SEL1L3: variants seen among roughly 807,000 people sequenced by gnomAD.
SEL1L3 encodes SEL1L family member 3.
Under a neutral mutation model 142.8 loss-of-function variants are expected in SEL1L3, and 76 were observed. The observed-to-expected ratio is 0.53, with a 90% CI of 0.44 to 0.64. The LOEUF (loss-of-function observed/expected upper bound fraction) is 0.64, where lower values mean the gene tolerates loss of function less well. SEL1L3 is among the 30% of genes least tolerant of loss of function. SEL1L3 has a pLI of 0.00. For synonymous variants in SEL1L3, 504 were observed against 519.6 expected, an observed-to-expected ratio of 0.97 and a Z score of 0.41; for missense variants, 1,262 against 1,381.7, an observed-to-expected ratio of 0.91 and a Z score of 1.37.
chr4:25,806,139 C>T (rs1577633712), intron 9 of SEL1L3, among the ~76,000 whole-genome samples: 1 of 150,704 alleles, frequency 6.6e-6, no homozygotes. Context: ...CCTGGGTTCA[C>T]GCCATTCCCC....
chr4:25,744,076 C>G (rs1403604185), downstream of SEL1L3, among the ~76,000 whole-genome samples: 1 of 152,090 alleles, frequency 6.6e-6, no homozygotes, highest in Non-Finnish European at 1.5e-5. Context: ...CACCTGAACC[C>G]AGGTTTGACC....
chr4:25,835,158 G>T, intron 3 of SEL1L3, 39 bp downstream of exon 3: 1 of 1,609,914 alleles, frequency 6.2e-7, no homozygotes, highest in South Asian at 1.1e-5. Context: ...AATAAAACAA[G>T]CACCGCCCGA....
intron 6 of SEL1L3, 85 bp from the exon 7 acceptor site, chr4:25,822,213 C>T: frequency 6.5e-7 from 1 of 1,543,228 alleles, no homozygotes; most frequent in South Asian, 1.2e-5. Context: ...CCCTCCTTGA[C>T]TTAACCCAAA....
At chr4:25,854,962 C>T (rs1717159269) in intron 1 of SEL1L3, among the ~76,000 whole-genome samples, 1 of 152,174 alleles carries the variant, frequency 6.6e-6, no homozygotes, top group African/African-American at 2.4e-5. Context: ...TGTGTTGGCC[C>T]CAAAGAGGGC....
At chr4:25,793,583 G>C (rs1185172973) in intron 11 of SEL1L3, among the ~76,000 whole-genome samples, 1 of 152,022 alleles carries the variant, frequency 6.6e-6, no homozygotes, top group Non-Finnish European at 1.5e-5. Context: ...TGGAATCACT[G>C]AGCTTTGCAG....
chr4:25,752,418 G>GAAAAAAA (rs76936235), intron 23 of SEL1L3, among the ~76,000 whole-genome samples: 1 of 98,886 alleles, frequency 1.0e-5, no homozygotes, highest in Non-Finnish European at 2.0e-5. Flanking sequence ...CTCCATCTCC[G>GAAAAAAA]AAAAAAAAAA....
Position 25,772,568 on chromosome 4 carries a change from G to A in SEL1L3, c.2669+3709C>T, listed in dbSNP as rs993033998. 4.2e-5 allele frequency among the ~76,000 whole-genome samples: 6 copies of A among 142,658 alleles called. No homozygotes were observed. In the East Asian group the frequency reaches 8.2e-4, roughly 19 times the overall value. 93.6% of individuals were successfully genotyped at this position (142,658 alleles called of 152,430 possible). A position where few individuals can be genotyped will look rare whatever the true frequency, so the allele number is the denominator to read the frequency against. ...CATTGATCTTAAAAAACAAAGGAAA[G>A]AAAAGGCAAGGCAAGGCAAGGCAGA... On this transcript the variant is annotated intron_variant, in intron 17 of 23. Coordinates refer to ENST00000399878, the MANE Select transcript of SEL1L3 (RefSeq NM_015187.5).
chr4:25,807,693 A>G (rs1037097279), intron 9 of SEL1L3, among the ~76,000 whole-genome samples: 29 of 152,224 alleles, frequency 1.9e-4, no homozygotes, highest in African/African-American at 7.0e-4. Flanking sequence ...GAGACTCCAA[A>G]CCAAATGAAG....
At chr4:25,855,422 C>T (rs1272226389) in intron 1 of SEL1L3, among the ~76,000 whole-genome samples, 1 of 152,192 alleles carries the variant, frequency 6.6e-6, no homozygotes, top group Non-Finnish European at 1.5e-5. Context: ...AAGATAGAGT[C>T]TGACACACAG....
chr4:25,834,149 A>G (rs1715618683), intron 3 of SEL1L3, among the ~76,000 whole-genome samples: 1 of 152,204 alleles, frequency 6.6e-6, no homozygotes, highest in African/African-American at 2.4e-5. Flanking sequence ...CGGAACAATT[A>G]ATCTAATTAT....
At chr4:25,733,632 T>C in the SEL1L3 span, among the ~76,000 whole-genome samples, 1 of 150,524 alleles carries the variant, frequency 6.6e-6, no homozygotes, top group Non-Finnish European at 1.5e-5. Context: ...GTGATTCTCC[T>C]GCCTCAGCTT....
chr4:25,818,172 C>T lies in SEL1L3; in HGVS notation c.1530G>A (p.Leu510=). ...GATCCATCTCCAGCAATGCCTGGAACAAGCTGGGGTGTTTGTCTTTCAGCT... is the reference window on the plus strand; with the variant it reads ...GATCCATCTCCAGCAATGCCTGGAATAAGCTGGGGTGTTTGTCTTTCAGCT... ...EKELKDKHPS[L]FQALLEMDLL... The change falls in exon 9 of 24, where the codon TTG becomes TTA. Residue 510 remains leucine, a synonymous_variant. Coordinates refer to ENST00000399878, the MANE Select transcript of SEL1L3 (RefSeq NM_015187.5). 1 of 1,611,192 alleles carries T rather than the reference C, an allele frequency of 6.2e-7. No individual in the cohort carries two copies. Among genetic ancestry groups the T allele is most frequent in the South Asian group, 1.1e-5 (1 of 90,126 alleles).
At chr4:25,844,037 G>A (rs552206227) in intron 2 of SEL1L3, among the ~76,000 whole-genome samples, 2 of 152,236 alleles carry the variant, frequency 1.3e-5, no homozygotes, top group East Asian at 1.9e-4. Flanking sequence ...CAGGGCCATC[G>A]TAGGACACCA....
downstream of SEL1L3, among the ~76,000 whole-genome samples, chr4:25,744,815 A>G (rs367725798): frequency 5.3e-5 from 8 of 152,334 alleles, no homozygotes; most frequent in East Asian, 1.5e-3. Context: ...CAGAAGAGAC[A>G]CCAACCATGT....
At chr4:25,792,819 A>T (rs968428040) in intron 11 of SEL1L3, among the ~76,000 whole-genome samples, 1 of 152,148 alleles carries the variant, frequency 6.6e-6, no homozygotes, top group Non-Finnish European at 1.5e-5. Context: ...AGATCCCCTC[A>T]GTCTGATATG....
chr4:25,729,485 G>A, the SEL1L3 span, among the ~76,000 whole-genome samples: 1 of 152,124 alleles, frequency 6.6e-6, no homozygotes, highest in African/African-American at 2.4e-5. Flanking sequence ...AGGCTGAGGC[G>A]GGCAGATCAC....
At chr4:25,836,512 C>T (rs771149035) in intron 2 of SEL1L3, among the ~76,000 whole-genome samples, 1 of 151,918 alleles carries the variant, frequency 6.6e-6, no homozygotes, top group Non-Finnish European at 1.5e-5. Context: ...ATTAGCCGGG[C>T]ATGGTAGTGC....
At chr4:25,735,271 C>T in the SEL1L3 span, among the ~76,000 whole-genome samples, 2 of 151,732 alleles carry the variant, frequency 1.3e-5, no homozygotes, top group Non-Finnish European at 2.9e-5. Context: ...TCCTGGACTC[C>T]TAGGTTCAAG....
In SEL1L3 at chr4:25,789,193, G is replaced by A. The variant is rs532171779; in HGVS notation, c.2077-829C>T. Among the ~76,000 whole-genome samples the A allele has an allele frequency of 3.9e-5, 6 of 152,008 alleles. No individual in the cohort carries two copies. The East Asian group carries it at 9.7e-4, about 25-fold the overall frequency. On this transcript the variant is annotated intron_variant, in intron 12 of 23. Transcript: ENST00000399878. Reference sequence around the variant, plus strand: ...TTCTTTCTGCTTCTCCTCTCATCTCGTTCTCTTCCCTTTTCCTCCCCAATA... The same window carrying A: ...TTCTTTCTGCTTCTCCTCTCATCTCATTCTCTTCCCTTTTCCTCCCCAATA...
Sources: gnomAD v4.1 joint callset for allele counts (sites outside exome capture counted in the v4.1 genomes callset) on GRCh38, gnomAD v4.1.1 for gene constraint, MANE v1.5 for transcripts, NCBI Gene and HGNC (gene_info 2026-07-23, HGNC 2026-07-21) for gene names.